The following FTCDNL1 variants were observed in gnomAD, a reference collection of about 807,000 sequenced individuals.
FTCDNL1 encodes the protein formiminotransferase cyclodeaminase N-terminal like, also known as formiminotransferase N-terminal subdomain-containing protein.
A neutral mutation model predicts 5.9 loss-of-function variants in FTCDNL1; 11 were observed. The observed-to-expected ratio is 1.87, with a 90% CI of 1.18 to 3.10. FTCDNL1 has a LOEUF of 3.10. Among genes scored for constraint, FTCDNL1 ranks in the 30% most tolerant of loss-of-function variants. The pLI, the probability that FTCDNL1 is intolerant of heterozygous loss-of-function variation, is 0.00. For missense variants in FTCDNL1, 115 were observed against 65.5 expected, an observed-to-expected ratio of 1.76 and a Z score of -2.61; for synonymous variants, 58 against 24.8, an observed-to-expected ratio of 2.34 and a Z score of -3.99.
At chr2:199,698,993 A>G in the FTCDNL1 span, among the ~76,000 whole-genome samples, 4 of 152,340 alleles carry the variant, frequency 2.6e-5, no homozygotes, top group Admixed American at 6.5e-5. Context: ...GAACAATTCT[A>G]TGTACACAAA....
intron 3 of FTCDNL1, among the ~76,000 whole-genome samples, chr2:199,790,713 A>G (rs1210877314): frequency 6.6e-6 from 1 of 152,172 alleles, no homozygotes; most frequent in East Asian, 1.9e-4. Flanking sequence ...AAATTCACTA[A>G]TAGTTAGGAA....
the FTCDNL1 span, among the ~76,000 whole-genome samples, chr2:199,671,430 G>C: frequency 6.6e-6 from 1 of 151,770 alleles, no homozygotes; most frequent in Non-Finnish European, 1.5e-5. Context: ...GGAACCACAT[G>C]TAGGCAAGAG....
intron 3 of FTCDNL1, among the ~76,000 whole-genome samples, chr2:199,777,187 G>A (rs1699133417): frequency 6.6e-6 from 1 of 152,046 alleles, no homozygotes; most frequent in South Asian, 2.1e-4. Flanking sequence ...CAGCTACGTG[G>A]GAGGCTGAGG....
chr2:199,667,867 TGA>T, the FTCDNL1 span, among the ~76,000 whole-genome samples: 1 of 152,128 alleles, frequency 6.6e-6, no homozygotes, highest in African/African-American at 2.4e-5. Flanking sequence ...AAGGGAGCTA[TGA>T]GAGTGGCAAG....
chr2:199,837,233 T>C (rs1339182494), intron 3 of FTCDNL1, among the ~76,000 whole-genome samples: 2 of 152,204 alleles, frequency 1.3e-5, no homozygotes, highest in Non-Finnish European at 2.9e-5. Flanking sequence ...TCACTGGAAA[T>C]CAATCTTAAT....
At chr2:199,670,189 A>T in the FTCDNL1 span, among the ~76,000 whole-genome samples, 1 of 152,216 alleles carries the variant, frequency 6.6e-6, no homozygotes, top group Non-Finnish European at 1.5e-5. Context: ...GATATTTGTG[A>T]TAGAGAGAAC....
chr2:199,723,956 A>T, the FTCDNL1 span, among the ~76,000 whole-genome samples: 1 of 152,186 alleles, frequency 6.6e-6, no homozygotes, highest in African/African-American at 2.4e-5. Context: ...TTCAGAAGAA[A>T]TGGTACCAGC....
chr2:199,744,943 A>C, the FTCDNL1 span, among the ~76,000 whole-genome samples: 2 of 152,164 alleles, frequency 1.3e-5, no homozygotes, highest in Admixed American at 6.5e-5. Flanking sequence ...CATTTTTCCT[A>C]AGAGAACTCC....
chr2:199,686,527 T>G, the FTCDNL1 span, among the ~76,000 whole-genome samples: 3 of 152,214 alleles, frequency 2.0e-5, no homozygotes, highest in Non-Finnish European at 4.4e-5. Flanking sequence ...CTATCTACCA[T>G]GTATCAAATT....
chr2:199,800,230 C>T (rs989596960), intron 3 of FTCDNL1, among the ~76,000 whole-genome samples: 2 of 152,106 alleles, frequency 1.3e-5, no homozygotes, highest in Non-Finnish European at 2.9e-5. Context: ...AAGGACAAAC[C>T]TATACAGAAA....
At position 199,796,656 on chromosome 2, in the gene FTCDNL1, A is replaced by G. The variant is rs182174382; in HGVS notation, c.212-35821T>C. ...TTCTGAATCACATACTCATAAGCTGATTAATTGTGACTGACACAGTCTCTG... is the reference window on the plus strand; with the variant it reads ...TTCTGAATCACATACTCATAAGCTGGTTAATTGTGACTGACACAGTCTCTG... On this transcript the variant is annotated intron_variant, in intron 3 of 3. Coordinates refer to the FTCDNL1 transcript ENST00000416668. Among the ~76,000 whole-genome samples, 17 of 152,242 alleles carry G rather than the reference A, an allele frequency of 1.1e-4. No homozygotes were observed. The East Asian group carries it at 3.1e-3, about 28-fold the overall frequency.
chr2:199,747,791 T>G, the FTCDNL1 span, among the ~76,000 whole-genome samples: 5 of 152,176 alleles, frequency 3.3e-5, no homozygotes, highest in Non-Finnish European at 7.3e-5. Context: ...CTGCACAGTC[T>G]GCTTTGCCAG....
At chr2:199,771,715 C>A (rs1199949869) in intron 3 of FTCDNL1, among the ~76,000 whole-genome samples, 1 of 152,152 alleles carries the variant, frequency 6.6e-6, no homozygotes, top group Non-Finnish European at 1.5e-5. Flanking sequence ...TCCATACCAC[C>A]CAATGACAGC....
At chr2:199,828,965 C>T (rs1189122090) in intron 3 of FTCDNL1, among the ~76,000 whole-genome samples, 2 of 152,130 alleles carry the variant, frequency 1.3e-5, no homozygotes, top group South Asian at 2.1e-4. Context: ...TTTCCACAGT[C>T]GTGTTAACGT....
intron 3 of FTCDNL1, among the ~76,000 whole-genome samples, chr2:199,777,919 A>G (rs1699174920): frequency 6.6e-6 from 1 of 152,168 alleles, no homozygotes; most frequent in African/African-American, 2.4e-5. Context: ...AGCTTAAAAG[A>G]TATCAAAAAA....
intron 3 of FTCDNL1, among the ~76,000 whole-genome samples, chr2:199,772,729 T>C (rs1043494358): frequency 3.3e-5 from 5 of 152,214 alleles, no homozygotes; most frequent in Non-Finnish European, 5.9e-5. Flanking sequence ...CCCTTCAGAT[T>C]ATATTATCAC....
chr2:199,756,604 T>C (rs534912055), downstream of FTCDNL1, among the ~76,000 whole-genome samples: 1 of 152,310 alleles, frequency 6.6e-6, no homozygotes, highest in East Asian at 1.9e-4. Context: ...CTTTCCTAAA[T>C]CTCCCATTTC....
intron 3 of FTCDNL1, among the ~76,000 whole-genome samples, chr2:199,782,931 G>T (rs372849522): frequency 8.5e-5 from 13 of 152,114 alleles, no homozygotes; most frequent in African/African-American, 2.4e-4. Flanking sequence ...TTTTTTTGGG[G>T]TGGTCATCCT....
chr2:199,722,018 G>C, the FTCDNL1 span, among the ~76,000 whole-genome samples: 1 of 152,124 alleles, frequency 6.6e-6, no homozygotes, highest in Non-Finnish European at 1.5e-5. Flanking sequence ...TGTAGATTCT[G>C]GATATTAGAC....
Sources: allele counts gnomAD v4.1 joint callset (sites outside exome capture counted in the v4.1 genomes callset), GRCh38; gene constraint gnomAD v4.1.1; transcripts MANE v1.5; gene names NCBI Gene and HGNC (gene_info 2026-07-23, HGNC 2026-07-21).